COL4A4: variants seen among roughly 807,000 people sequenced by gnomAD.
COL4A4 encodes the protein collagen type IV alpha 4 chain, also known as collagen alpha-4(IV) chain.
Under a neutral mutation model 192.9 loss-of-function variants are expected in COL4A4, and 105 were observed. The observed-to-expected ratio is 0.54, with a 90% CI of 0.46 to 0.64. The LOEUF (loss-of-function observed/expected upper bound fraction) is 0.64. COL4A4 is among the 30% of genes least tolerant of loss of function. The probability of loss-of-function intolerance (pLI) is 0.00; values close to 1 mark genes in which losing one functional copy is unlikely to be tolerated. For synonymous variants in COL4A4, 762 were observed against 769.9 expected (o/e 0.99, Z 0.17); for missense variants, 1,967 against 2,169.3 (o/e 0.91, Z 1.85).
chr2:227,068,626 A>T (rs1329443583), intron 25 of COL4A4, among the ~76,000 whole-genome samples: 3 of 152,176 alleles, frequency 2.0e-5, no homozygotes, highest in Non-Finnish European at 2.9e-5. Context: ...CCACATGATT[A>T]TCTCAATAGA....
downstream of COL4A4, among the ~76,000 whole-genome samples, chr2:226,999,861 G>A (rs1000803047): frequency 6.6e-6 from 1 of 152,170 alleles, no homozygotes; most frequent in Non-Finnish European, 1.5e-5. Flanking sequence ...GAAAAACACT[G>A]CTCAGCCACC....
chr2:227,034,548 T>C (rs538350795), intron 37 of COL4A4, among the ~76,000 whole-genome samples: 21 of 151,528 alleles, frequency 1.4e-4, no homozygotes, highest in Admixed American at 2.6e-4. Flanking sequence ...GTTCTTTTTT[T>C]TTTTTAATTA....
At chr2:227,150,097 T>A (rs2063828072) in intron 1 of COL4A4, among the ~76,000 whole-genome samples, 1 of 152,166 alleles carries the variant, frequency 6.6e-6, no homozygotes, top group African/African-American at 2.4e-5. Context: ...ATATATTGGT[T>A]GGGTAAATGA....
chr2:226,982,759 T>A, the COL4A4 span, among the ~76,000 whole-genome samples: 1 of 152,220 alleles, frequency 6.6e-6, no homozygotes. Context: ...AGCTTGTTCT[T>A]TCATTCATTC....
intron 1 of COL4A4, among the ~76,000 whole-genome samples, chr2:227,154,359 G>A (rs2064174165): frequency 6.6e-6 from 1 of 152,116 alleles, no homozygotes; most frequent in African/African-American, 2.4e-5. Context: ...ACCCAATCTT[G>A]AAAACAAATA....
At chr2:226,974,089 C>CT in the COL4A4 span, among the ~76,000 whole-genome samples, 1 of 152,144 alleles carries the variant, frequency 6.6e-6, no homozygotes. Context: ...CCTGCGATTC[C>CT]TTTTTGCACA....
the COL4A4 span, among the ~76,000 whole-genome samples, chr2:226,985,656 C>T: frequency 3.9e-5 from 6 of 152,374 alleles, no homozygotes; most frequent in Middle Eastern, 3.4e-3. Context: ...AAAACTACAG[C>T]GGCCTGGGCT....
At chr2:226,967,696 AT>A in the COL4A4 span, among the ~76,000 whole-genome samples, 2 of 151,992 alleles carry the variant, frequency 1.3e-5, no homozygotes, top group African/African-American at 4.8e-5. Context: ...TTTAATTGTT[AT>A]AGTGGAAAGA....
Position 227,033,499 on chromosome 2 carries a change from C to T in COL4A4, c.3506-18G>A, listed in dbSNP as rs1246991633. 6.2e-7 allele frequency: 1 copy of T among 1,610,282 alleles called. No homozygotes were observed. Among genetic ancestry groups the T allele is most frequent in the Non-Finnish European group, 8.5e-7 (1 of 1,178,580 alleles). ...GGAGGGACCTGAAAAACACCACAGG[C>T]CTGTGACCCAAAGGAAGACCAGCCA... On this transcript the variant is annotated intron_variant, in intron 37 of 47. Coordinates refer to ENST00000396625, the MANE Select transcript of COL4A4 (RefSeq NM_000092.5).
In COL4A4 at chr2:227,094,221, G is replaced by A. The variant is rs376942659; in HGVS notation, c.1273C>T (p.Pro425Ser). ...LPGLPGEAGIPGRPDSAPGKP... is the reference protein window; with the variant it reads ...LPGLPGEAGISGRPDSAPGKP... The stretch of plus-strand genomic sequence containing the variant: ...CCTGGAGCAGAATCAGGTCTCCCAG[G>A]AATACCAGCTTCTCCTGGAAGCCCA... The change falls in exon 20 of 48, where the codon CCT becomes TCT. Residue 425 changes from proline (P) to serine (S), a missense_variant. Physicochemically the swap from Pro to Ser is moderately conservative, Grantham distance 74. Transcript: ENST00000396625. 3 of 1,613,686 alleles carry A rather than the reference G, an allele frequency of 1.9e-6. No individual in the cohort carries two copies. The highest frequency in any genetic ancestry group is 2.5e-6 in the Non-Finnish European group (3 of 1,179,930).
chr2:227,030,053 A>T (rs1331009623), intron 41 of COL4A4, among the ~76,000 whole-genome samples: 1 of 152,030 alleles, frequency 6.6e-6, no homozygotes, highest in Non-Finnish European at 1.5e-5. Flanking sequence ...TCTCATTGAT[A>T]AATGTATATT....
chr2:227,016,494 C>CA (rs1964891413), intron 44 of COL4A4, among the ~76,000 whole-genome samples: 1 of 152,166 alleles, frequency 6.6e-6, no homozygotes, highest in African/African-American at 2.4e-5. Context: ...CATTCATTTA[C>CA]GTGTTATCTA....
At chr2:227,090,844 A>G (rs528013330) in intron 20 of COL4A4, among the ~76,000 whole-genome samples, 3 of 151,112 alleles carry the variant, frequency 2.0e-5, no homozygotes, top group Non-Finnish European at 4.4e-5. Context: ...GGAACCAGCA[A>G]CAACCAAGTA....
Position 227,109,271 on chromosome 2 carries a change from C to T in COL4A4, c.610G>A (p.Gly204Arg). 6.2e-7 allele frequency: 1 copy of T among 1,614,118 alleles called. No individual in the cohort carries two copies. The highest frequency in any genetic ancestry group is 8.5e-7 in the Non-Finnish European group (1 of 1,179,938). ...LPGLPGSWGA[G>R]GPAGPTGYPG... ...TATCCTGTGGGACCTGCCGGTCCTC[C>T]TGCACCCCAAGATCCCTAAACATGA... is the stretch of plus-strand genomic sequence containing the variant. Residue 204 changes from glycine to arginine, a missense_variant, in exon 10 of 48, where the codon GGA (glycine) becomes AGA (arginine). Coordinates refer to ENST00000396625, the MANE Select transcript of COL4A4 (RefSeq NM_000092.5).
intron 24 of COL4A4, among the ~76,000 whole-genome samples, chr2:227,080,050 C>T (rs1257009759): frequency 6.6e-6 from 1 of 152,186 alleles, no homozygotes; most frequent in Admixed American, 6.5e-5. Flanking sequence ...CCCCCATGTG[C>T]ATCTTCTCCA....
chr2:227,147,366 G>T, intron 2 of COL4A4, 47 bp downstream of exon 2: 1 of 1,543,198 alleles, frequency 6.5e-7, no homozygotes, highest in Non-Finnish European at 9.0e-7. Flanking sequence ...CAAACATTGA[G>T]TAGAAATTAC....
At chr2:227,041,852 A>AAG (rs1412480175) in intron 37 of COL4A4, among the ~76,000 whole-genome samples, 92 of 71,298 alleles carry the variant, frequency 1.3e-3, no homozygotes, top group Non-Finnish European at 1.7e-3. Flanking sequence ...AAGAAAGAGA[A>AAG]AGAAAGAAAG....
At chr2:227,060,071 A>T in intron 27 of COL4A4, 65 bp downstream of exon 27, 1 of 1,025,772 alleles carries the variant, frequency 9.7e-7, no homozygotes, top group Non-Finnish European at 1.4e-6. Flanking sequence ...TAGAAATGTT[A>T]AAAAGTTCCT....
chr2:227,039,734 C>T (rs2150050894), intron 37 of COL4A4, among the ~76,000 whole-genome samples: 1 of 152,192 alleles, frequency 6.6e-6, no homozygotes, highest in Non-Finnish European at 1.5e-5. Flanking sequence ...GTCTTCCGGA[C>T]ACAAAAAAGT....
Sources: allele counts gnomAD v4.1 joint callset (sites outside exome capture counted in the v4.1 genomes callset), GRCh38; gene constraint gnomAD v4.1.1; transcripts MANE v1.5; gene names NCBI Gene and HGNC (gene_info 2026-07-23, HGNC 2026-07-21).